PDE1A: variants seen among roughly 807,000 people sequenced by gnomAD.
PDE1A encodes phosphodiesterase 1A.
In PDE1A, 35 loss-of-function variants were observed where a neutral mutation model predicts 61.7. The ratio of observed to expected loss-of-function variants is 0.57; its 90% CI spans 0.43 to 0.75. The LOEUF is 0.75. Ranked by LOEUF, PDE1A falls within the 30% of genes least tolerant of loss-of-function variation. PDE1A has a pLI of 0.00. For synonymous variants in PDE1A, 232 were observed against 213.2 expected (o/e 1.09, Z -0.77); for missense variants, 597 against 630.6 (o/e 0.95, Z 0.57).
intron 1 of PDE1A, among the ~76,000 whole-genome samples, chr2:182,351,125 C>T (rs757036733): frequency 1.3e-5 from 2 of 152,188 alleles, no homozygotes; most frequent in Non-Finnish European, 2.9e-5. Flanking sequence ...TTGATATAAG[C>T]AGACCCTGTC....
intron 1 of PDE1A, among the ~76,000 whole-genome samples, chr2:182,364,049 A>G (rs1325903216): frequency 6.6e-6 from 1 of 151,944 alleles, no homozygotes; most frequent in Non-Finnish European, 1.5e-5. Context: ...TCTGCAGAGA[A>G]AACACATGAC....
intron 2 of PDE1A, among the ~76,000 whole-genome samples, chr2:182,511,264 G>A (rs540852328): frequency 1.3e-5 from 2 of 151,954 alleles, no homozygotes; most frequent in South Asian, 2.1e-4. Context: ...CAAAAAGACC[G>A]GCACGCTCCA....
chr2:182,357,375 A>G (rs1699254058), intron 1 of PDE1A, among the ~76,000 whole-genome samples: 1 of 152,284 alleles, frequency 6.6e-6, no homozygotes, highest in African/African-American at 2.4e-5. Context: ...GATGACATCA[A>G]TATTTTCAAC....
intron 2 of PDE1A, among the ~76,000 whole-genome samples, chr2:182,508,962 A>T (rs79283796): frequency 1.5e-5 from 2 of 133,508 alleles, no homozygotes; most frequent in African/African-American, 2.7e-5. Context: ...CCTCCCCCCT[A>T]CCCCCAGCCC....
chr2:182,474,882 G>T (rs1687255497), intron 2 of PDE1A, among the ~76,000 whole-genome samples: 1 of 151,760 alleles, frequency 6.6e-6, no homozygotes, highest in Non-Finnish European at 1.5e-5. Context: ...GTAGAAAACT[G>T]GGCTAAGACA....
chr2:182,386,498 C>A (rs998053038), intron 1 of PDE1A, among the ~76,000 whole-genome samples: 3 of 151,096 alleles, frequency 2.0e-5, no homozygotes, highest in Non-Finnish European at 4.4e-5. Flanking sequence ...CCGGCCGCGA[C>A]CCCATCTGGG....
At chr2:182,477,787 T>G (rs925807360) in intron 2 of PDE1A, among the ~76,000 whole-genome samples, 3 of 151,926 alleles carry the variant, frequency 2.0e-5, no homozygotes, top group Non-Finnish European at 4.4e-5. Context: ...ACACACGAAC[T>G]CACTCAAAGT....
chr2:182,550,757 T>G, the PDE1A span, among the ~76,000 whole-genome samples: 1 of 152,122 alleles, frequency 6.6e-6, no homozygotes, highest in Admixed American at 6.6e-5. Context: ...TATCAGGAGT[T>G]GACTCTGGAA....
chr2:182,247,661 T>C (rs1037925580), intron 2 of PDE1A, among the ~76,000 whole-genome samples: 6 of 152,296 alleles, frequency 3.9e-5, no homozygotes, highest in Admixed American at 2.6e-4. Flanking sequence ...AAAACTATAA[T>C]GTAATATGGA....
At chr2:182,612,825 A>G in the PDE1A span, among the ~76,000 whole-genome samples, 1 of 152,234 alleles carries the variant, frequency 6.6e-6, no homozygotes, top group African/African-American at 2.4e-5. Flanking sequence ...AGATTATTTT[A>G]TAAACTTTTC....
At chr2:182,160,553 A>C (rs1324671093) in intron 13 of PDE1A, among the ~76,000 whole-genome samples, 1 of 152,128 alleles carries the variant, frequency 6.6e-6, no homozygotes, top group African/African-American at 2.4e-5. Flanking sequence ...TTTGACCCTT[A>C]AACTCTGAGA....
chr2:182,444,099 C>T (rs143463148), intron 2 of PDE1A, among the ~76,000 whole-genome samples: 3 of 152,284 alleles, frequency 2.0e-5, no homozygotes, highest in Admixed American at 2.0e-4. Context: ...AATCTCCCTA[C>T]CCACTCATTC....
At chr2:182,527,760 G>A (rs1348187817), upstream of PDE1A, among the ~76,000 whole-genome samples, 2 of 152,030 alleles carry the variant, frequency 1.3e-5, no homozygotes, top group African/African-American at 2.4e-5. Context: ...TGTTGTGGGA[G>A]GAACCTGGTG....
chr2:182,671,323 C>T, the PDE1A span, among the ~76,000 whole-genome samples: 2 of 150,136 alleles, frequency 1.3e-5, no homozygotes, highest in Middle Eastern at 3.4e-3. Flanking sequence ...AGGCGCCTGC[C>T]ACCACGACTG....
intron 2 of PDE1A, among the ~76,000 whole-genome samples, 185 bp downstream of exon 2, chr2:182,264,116 T>C (rs1441305001): frequency 1.3e-5 from 2 of 152,146 alleles, no homozygotes; most frequent in African/African-American, 4.8e-5. Context: ...GTGTATTAAT[T>C]TTAGAGAATC....
chr2:182,610,803 A>G, the PDE1A span, among the ~76,000 whole-genome samples: 1 of 152,150 alleles, frequency 6.6e-6, no homozygotes, highest in Non-Finnish European at 1.5e-5. Context: ...ATAAAAGTAA[A>G]ATTAAGTATC....
intron 2 of PDE1A, among the ~76,000 whole-genome samples, chr2:182,471,508 G>C (rs1240050116): frequency 6.6e-6 from 1 of 151,658 alleles, no homozygotes; most frequent in Non-Finnish European, 1.5e-5. Flanking sequence ...AGAAGGTAAG[G>C]TAAAAGTTTT....
intron 2 of PDE1A, among the ~76,000 whole-genome samples, chr2:182,495,548 G>A (rs1688661695): frequency 6.6e-6 from 1 of 152,148 alleles, no homozygotes; most frequent in African/African-American, 2.4e-5. Flanking sequence ...TTTTAACGCT[G>A]TGATTTGTTT....
intron 1 of PDE1A, among the ~76,000 whole-genome samples, chr2:182,421,868 G>C (rs557958684): frequency 6.6e-6 from 1 of 152,094 alleles, no homozygotes; most frequent in East Asian, 1.9e-4. Context: ...ATACCCATTA[G>C]GTCCACAAAC....
Sources: allele counts gnomAD v4.1 joint callset (sites outside exome capture counted in the v4.1 genomes callset), GRCh38; gene constraint gnomAD v4.1.1; transcripts MANE v1.5; gene names NCBI Gene and HGNC (gene_info 2026-07-23, HGNC 2026-07-21).